The following PCED1B variants were observed in gnomAD, a reference collection of about 807,000 sequenced individuals.
The protein encoded by PCED1B is PC-esterase domain-containing protein 1B.
For synonymous variants in PCED1B, 251 were observed against 246.1 expected, an observed-to-expected ratio of 1.02 and a Z score of -0.19; for missense variants, 573 against 573.9, an observed-to-expected ratio of 1.00 and a Z score of 0.02.
intron 2 of PCED1B, among the ~76,000 whole-genome samples, chr12:47,128,410 C>T (rs1160412528): frequency 1.3e-5 from 2 of 152,164 alleles, no homozygotes; most frequent in African/African-American, 4.8e-5. Flanking sequence ...GGCCGCCTTA[C>T]TCTTCCCTTA....
chr12:47,162,864 G>A (rs1247462518), intron 2 of PCED1B, among the ~76,000 whole-genome samples: 2 of 152,152 alleles, frequency 1.3e-5, no homozygotes, highest in Non-Finnish European at 2.9e-5. Context: ...TATCCAAATT[G>A]TATTACACCC....
At chr12:47,097,691 C>A (rs1938536391) in intron 1 of PCED1B, among the ~76,000 whole-genome samples, 1 of 152,150 alleles carries the variant, frequency 6.6e-6, no homozygotes. Context: ...CTGCAAAGAG[C>A]AGTTGGCACA....
chr12:47,160,455 C>T (rs1941342285), intron 2 of PCED1B, among the ~76,000 whole-genome samples: 1 of 151,630 alleles, frequency 6.6e-6, no homozygotes, highest in African/African-American at 2.4e-5. Context: ...GAATGCACCA[C>T]CATGTCCAGC....
At chr12:47,179,495 C>T (rs1942029144) in intron 2 of PCED1B, among the ~76,000 whole-genome samples, 1 of 152,136 alleles carries the variant, frequency 6.6e-6, no homozygotes, top group Admixed American at 6.5e-5. Flanking sequence ...ATAATATTTC[C>T]AGTTAATCAA....
intron 2 of PCED1B, among the ~76,000 whole-genome samples, chr12:47,114,687 C>T (rs1439669385): frequency 1.3e-5 from 2 of 152,230 alleles, no homozygotes; most frequent in African/African-American, 2.4e-5. Flanking sequence ...GAGGTTGCTG[C>T]ACCAAGCCCT....
chr12:47,174,341 G>A (rs1227368766), intron 2 of PCED1B, among the ~76,000 whole-genome samples: 2 of 152,060 alleles, frequency 1.3e-5, no homozygotes, highest in Middle Eastern at 3.4e-3. Context: ...CCTGGGAGGT[G>A]GAGGTTGCAG....
At chr12:47,200,693 C>T (rs1942737288) in intron 2 of PCED1B, among the ~76,000 whole-genome samples, 1 of 152,212 alleles carries the variant, frequency 6.6e-6, no homozygotes. Flanking sequence ...ATTTCCAAAA[C>T]TTGGCAGCAA....
chr12:47,207,484 T>G (rs1487687148), intron 2 of PCED1B, among the ~76,000 whole-genome samples: 1 of 152,214 alleles, frequency 6.6e-6, no homozygotes, highest in African/African-American at 2.4e-5. Context: ...GGAAAGGAAG[T>G]GCTCTTTCTC....
intron 2 of PCED1B, among the ~76,000 whole-genome samples, chr12:47,113,961 A>ACACAC (rs1565755168): frequency 1.1e-5 from 1 of 87,422 alleles, no homozygotes; most frequent in African/African-American, 4.3e-5. Context: ...AAAAAGAAAA[A>ACACAC]AAAAACACAC....
At chr12:47,195,328 C>CAA (rs11454301) in intron 2 of PCED1B, among the ~76,000 whole-genome samples, 11,850 of 136,032 alleles carry the variant, frequency 0.087, 1,581 homozygotes, top group African/African-American at 0.3. Context: ...GTCTCTGTCT[C>CAA]AAAAAAAAAA....
intron 2 of PCED1B, among the ~76,000 whole-genome samples, chr12:47,215,821 A>G (rs1260082518): frequency 2.2e-5 from 3 of 135,244 alleles, no homozygotes; most frequent in African/African-American, 8.9e-5. Flanking sequence ...TTGGGAGGCC[A>G]AGGCGGGTGG....
At chr12:47,151,138 C>T (rs906667160) in intron 2 of PCED1B, among the ~76,000 whole-genome samples, 29 of 150,618 alleles carry the variant, frequency 1.9e-4, no homozygotes, top group Non-Finnish European at 4.0e-4. Flanking sequence ...ATAATATATA[C>T]ACACACACAC....
intron 2 of PCED1B, among the ~76,000 whole-genome samples, chr12:47,119,956 AC>A (rs1939604291): frequency 7.0e-6 from 1 of 142,880 alleles, no homozygotes; most frequent in South Asian, 2.2e-4. Flanking sequence ...ACAGAGTGAG[AC>A]TCTGTCTCCA....
chr12:47,110,188 A>T lies in PCED1B; in HGVS notation c.-526+5993A>T, dbSNP rs529930461. Among the ~76,000 whole-genome samples, 63 of 152,316 alleles carry T rather than the reference A, an allele frequency of 4.1e-4. No individual in the cohort carries two copies. The South Asian group carries it at 0.013, about 31-fold the overall frequency. ...GTGCTTTTGTTGAGCTGAAAACTGG[A>T]TGAAGTGAGGGGTAAAATGAATGGA... On this transcript the variant is annotated intron_variant, in intron 2 of 3. Coordinates refer to ENST00000546455, the MANE Select transcript of PCED1B (RefSeq NM_138371.3).
chr12:47,154,554 C>T (rs1247237957), intron 2 of PCED1B, among the ~76,000 whole-genome samples: 1 of 152,018 alleles, frequency 6.6e-6, no homozygotes, highest in African/African-American at 2.4e-5. Flanking sequence ...TTAACACTTC[C>T]ATAGATTGAT....
intron 2 of PCED1B, among the ~76,000 whole-genome samples, chr12:47,183,161 T>C (rs1942149810): frequency 1.3e-5 from 2 of 152,182 alleles, no homozygotes; most frequent in African/African-American, 4.8e-5. Flanking sequence ...AATGAACTTT[T>C]GCCAATTAGG....
chr12:47,126,363 G>T (rs921725323), intron 2 of PCED1B, among the ~76,000 whole-genome samples: 2 of 152,038 alleles, frequency 1.3e-5, no homozygotes, highest in African/African-American at 4.8e-5. Flanking sequence ...AAACCCACTT[G>T]TTATGAACTA....
At chr12:47,158,873 G>C (rs895944931) in intron 2 of PCED1B, among the ~76,000 whole-genome samples, 2 of 151,998 alleles carry the variant, frequency 1.3e-5, no homozygotes, top group Non-Finnish European at 2.9e-5. Context: ...TATTCCTTCT[G>C]TGTTTGTACT....
chr12:47,101,421 C>T (rs901115256), intron 1 of PCED1B, among the ~76,000 whole-genome samples: 40 of 152,148 alleles, frequency 2.6e-4, no homozygotes, highest in African/African-American at 9.2e-4. Flanking sequence ...TCCTTCAGTG[C>T]CTGAAATCTC....
Sources: gnomAD v4.1 joint callset for allele counts (sites outside exome capture counted in the v4.1 genomes callset) on GRCh38, gnomAD v4.1.1 for gene constraint, MANE v1.5 for transcripts, NCBI Gene and HGNC (gene_info 2026-07-23, HGNC 2026-07-21) for gene names.